Variants in DNER observed in about 807,000 individuals in gnomAD.
DNER encodes the protein delta/notch like EGF repeat containing, also known as delta and Notch-like epidermal growth factor-related receptor.
DNER carries 33 observed loss-of-function variants against 78.2 expected under a neutral mutation model. That is an observed-to-expected ratio of 0.42 (90% CI 0.32 to 0.56). DNER has a LOEUF of 0.56. Among genes scored for constraint, DNER ranks in the 20% least tolerant of loss-of-function variants. The pLI, the probability that DNER is intolerant of heterozygous loss-of-function variation, is 0.11. For missense variants in DNER, 918 were observed against 975.3 expected (o/e 0.94, Z 0.78); for synonymous variants, 417 against 384.8 (o/e 1.08, Z -0.98).
At chr2:229,518,782 AT>A (rs1361323125) in intron 5 of DNER, among the ~76,000 whole-genome samples, 3 of 152,188 alleles carry the variant, frequency 2.0e-5, no homozygotes, top group African/African-American at 7.2e-5. Context: ...GTTAAACCTA[AT>A]ATGACATCCA....
chr2:229,396,306 C>CTTG (rs200321250), intron 10 of DNER, among the ~76,000 whole-genome samples: 203 of 152,184 alleles, frequency 1.3e-3, no homozygotes, highest in Admixed American at 4.5e-3. Context: ...GTTTACACGA[C>CTTG]TTTAGTAATC....
rs1226435078 is a variant in DNER, at chr2:229,407,161, G to T, written c.1723+71C>A. The T allele has an allele frequency of 3.0e-6, 4 of 1,352,842 alleles. No homozygotes were observed. In the African/African-American group the frequency reaches 4.4e-5, roughly 15 times the overall value. 83.8% of individuals were successfully genotyped at this position (1,352,842 alleles called of 1,614,324 possible). ...CAATATTTTATTCATGATGGATTTGGGTTTTTTTAACATCTGCAATCTCGG... is the reference window on the plus strand; with the variant it reads ...CAATATTTTATTCATGATGGATTTGTGTTTTTTTAACATCTGCAATCTCGG... On this transcript the variant is annotated intron_variant, in intron 10 of 12. Coordinates refer to ENST00000341772, the MANE Select transcript of DNER (RefSeq NM_139072.4).
chr2:229,634,561 T>C (rs78913406), intron 1 of DNER, among the ~76,000 whole-genome samples: 3,579 of 152,272 alleles, frequency 0.024, 122 homozygotes, highest in African/African-American at 0.072. Flanking sequence ...AAGGATGTAA[T>C]TACATCCGGA....
At chr2:229,524,140 A>C (rs551001411) in intron 5 of DNER, among the ~76,000 whole-genome samples, 1 of 152,356 alleles carries the variant, frequency 6.6e-6, no homozygotes, top group Admixed American at 6.5e-5. Flanking sequence ...ATCTGAATCC[A>C]GCTAGTCTGA....
intron 1 of DNER, among the ~76,000 whole-genome samples, chr2:229,667,486 T>C (rs1466358724): frequency 1.6e-5 from 1 of 61,608 alleles, no homozygotes; most frequent in Admixed American, 1.8e-4. Context: ...TAGACATCCT[T>C]AATGACTATT....
chr2:229,418,102 T>A lies in DNER; in HGVS notation c.1609+6A>T. On this transcript the variant is annotated splice_donor_region_variant and intron_variant, in intron 9 of 12. Transcript: ENST00000341772. ...TCTGGCACAGGAAGGCCAGGCGGCC[T>A]CTCACCTTTGTATTCTGCCAGGCAC... 8.1e-6 allele frequency: 13 copies of A among 1,614,170 alleles called. No homozygotes were observed. The highest frequency in any genetic ancestry group is 1.1e-5 in the Non-Finnish European group (13 of 1,179,992).
At chr2:229,590,770 TA>T (rs1428497112) in intron 2 of DNER, among the ~76,000 whole-genome samples, 1 of 152,202 alleles carries the variant, frequency 6.6e-6, no homozygotes, top group Non-Finnish European at 1.5e-5. Context: ...CTGTGAGAAA[TA>T]AATGTCTGTG....
At chr2:229,390,456 C>G (rs921515335) in intron 10 of DNER, among the ~76,000 whole-genome samples, 3 of 152,228 alleles carry the variant, frequency 2.0e-5, no homozygotes, top group African/African-American at 7.2e-5. Context: ...CAGGGCAGCC[C>G]CCATGCACGT....
chr2:229,539,237 G>A (rs1696467958), intron 5 of DNER, among the ~76,000 whole-genome samples: 1 of 152,252 alleles, frequency 6.6e-6, no homozygotes, highest in Admixed American at 6.5e-5. Context: ...TAATGATGTA[G>A]AGGAATGAGT....
intron 8 of DNER, among the ~76,000 whole-genome samples, chr2:229,444,169 A>G (rs762563568): frequency 3.3e-5 from 5 of 152,228 alleles, no homozygotes; most frequent in East Asian, 3.8e-4. Flanking sequence ...TTAGCAGAGA[A>G]TAGACGGAAG....
Position 229,677,389 on chromosome 2 carries a change from C to A in DNER, c.276+36759G>T, listed in dbSNP as rs139865185. Among the ~76,000 whole-genome samples the A allele has an allele frequency of 7.5e-3, 1,140 of 152,280 alleles. 10 individuals carry two copies. The highest frequency in any genetic ancestry group is 0.026 in the African/African-American group (1,079 of 41,550). On this transcript the variant is annotated intron_variant, in intron 1 of 12. Coordinates refer to ENST00000341772, the MANE Select transcript of DNER (RefSeq NM_139072.4). ...GAAACCTGAGATGGGGATGCCAATT[C>A]AAGCTCTCCCATCATCATAGATTTC...
intron 1 of DNER, among the ~76,000 whole-genome samples, chr2:229,645,902 T>G (rs902615617): frequency 6.6e-6 from 1 of 152,180 alleles, no homozygotes; most frequent in African/African-American, 2.4e-5. Context: ...AACAACTATA[T>G]GCACACAGTC....
intron 6 of DNER, among the ~76,000 whole-genome samples, chr2:229,488,462 A>C (rs1695325790): frequency 6.6e-6 from 1 of 152,172 alleles, no homozygotes; most frequent in African/African-American, 2.4e-5. Context: ...CATGTATATG[A>C]GTGCACATGT....
At chr2:229,507,320 A>T (rs1381915384) in intron 6 of DNER, among the ~76,000 whole-genome samples, 1 of 151,580 alleles carries the variant, frequency 6.6e-6, no homozygotes, top group Non-Finnish European at 1.5e-5. Context: ...TTACTGTTGT[A>T]CATGTACATG....
At position 229,527,237 on chromosome 2, in the gene DNER, T is replaced by C. The variant is rs987895383; in HGVS notation, c.994-14301A>G. ...CTCTGCCTCAGAAGAATAATTCAAA[T>C]ACCACCAGCTTCCCCTGTTTCTGAA... On this transcript the variant is annotated intron_variant, in intron 5 of 12. Transcript: ENST00000341772. 2.0e-5 allele frequency among the ~76,000 whole-genome samples: 3 copies of C among 152,116 alleles called. 1 individual carries two copies. The South Asian group carries it at 6.2e-4, about 32-fold the overall frequency.
chr2:229,694,655 T>C (rs1271866238), intron 1 of DNER, among the ~76,000 whole-genome samples: 3 of 152,238 alleles, frequency 2.0e-5, no homozygotes, highest in African/African-American at 7.2e-5. Flanking sequence ...ATGGGACTTG[T>C]AGCCCCTTTG....
At chr2:229,460,796 A>G (rs1442114975) in intron 7 of DNER, among the ~76,000 whole-genome samples, 2 of 152,136 alleles carry the variant, frequency 1.3e-5, no homozygotes, top group Admixed American at 6.5e-5. Context: ...TAGCTTGTCA[A>G]CCTGATAGTG....
chr2:229,571,765 T>C (rs1480998681), intron 4 of DNER, among the ~76,000 whole-genome samples: 1 of 152,158 alleles, frequency 6.6e-6, no homozygotes, highest in Non-Finnish European at 1.5e-5. Context: ...TCTGTCACTC[T>C]TGATTCTGCC....
In DNER at chr2:229,591,436, G is replaced by T; in HGVS notation, c.585+144C>A. On this transcript the variant is annotated intron_variant, in intron 2 of 12. Transcript: ENST00000341772. This position sits in a 1 kb window ranked among gnomAD's most constrained non-coding sequence, Gnocchi z 4.6. ...TAAAACCATCGTACACACAAATGCA[G>T]ACAGGAATAAGTTTAGGGAGATATT... The T allele has an allele frequency of 1.0e-6, 1 of 999,376 alleles. No homozygotes were observed. Among genetic ancestry groups the T allele is most frequent in the South Asian group, 1.8e-5 (1 of 54,816 alleles). 61.9% of individuals were successfully genotyped at this position (999,376 alleles called of 1,614,324 possible).
Sources: allele counts gnomAD v4.1 joint callset (sites outside exome capture counted in the v4.1 genomes callset), GRCh38; gene constraint gnomAD v4.1.1; non-coding constraint Gnocchi (gnomAD v3.1); transcripts MANE v1.5; gene names NCBI Gene and HGNC (gene_info 2026-07-23, HGNC 2026-07-21).